Variants in GPC6 observed in about 807,000 individuals in gnomAD.
GPC6 encodes glypican-6.
GPC6 carries 14 observed loss-of-function variants against 55.2 expected under a neutral mutation model. That is an observed-to-expected ratio of 0.25 (90% CI 0.17 to 0.40). GPC6 has a LOEUF of 0.40. Among genes scored for constraint, GPC6 ranks in the 10% least tolerant of loss-of-function variants. GPC6 has a pLI of 1.00. For missense variants in GPC6, 641 were observed against 708.5 expected, an observed-to-expected ratio of 0.90 and a Z score of 1.08; for synonymous variants, 278 against 259.6, an observed-to-expected ratio of 1.07 and a Z score of -0.68.
intron 3 of GPC6, among the ~76,000 whole-genome samples, chr13:93,931,092 G>A (rs146547725): frequency 1.5e-3 from 221 of 152,190 alleles, no homozygotes; most frequent in African/African-American, 5.0e-3. Flanking sequence ...CAGCTCCAGC[G>A]ATCCAGTCAC....
At chr13:93,329,249 C>G (rs780419887) in intron 1 of GPC6, among the ~76,000 whole-genome samples, 2 of 152,136 alleles carry the variant, frequency 1.3e-5, no homozygotes, top group Non-Finnish European at 2.9e-5. Flanking sequence ...AATTTTCTTT[C>G]TTTCCCTTCT....
chr13:94,023,730 T>C (rs562483226), intron 3 of GPC6, among the ~76,000 whole-genome samples: 1 of 152,048 alleles, frequency 6.6e-6, no homozygotes, highest in South Asian at 2.1e-4. Flanking sequence ...AACCCAGATA[T>C]CCTTCAGTGG....
At chr13:93,696,268 C>A (rs1882448441) in intron 2 of GPC6, among the ~76,000 whole-genome samples, 1 of 152,040 alleles carries the variant, frequency 6.6e-6, no homozygotes, top group Non-Finnish European at 1.5e-5. Context: ...TAAATTTTCT[C>A]CTCTCAACTT....
intron 4 of GPC6, among the ~76,000 whole-genome samples, chr13:94,047,859 T>G (rs1883785945): frequency 6.6e-6 from 1 of 152,128 alleles, no homozygotes; most frequent in Admixed American, 6.6e-5. Flanking sequence ...ATTTAAGTGT[T>G]TGGCCAAATC....
At chr13:93,492,443 G>A (rs928296624) in intron 1 of GPC6, among the ~76,000 whole-genome samples, 1 of 150,054 alleles carries the variant, frequency 6.7e-6, no homozygotes, top group African/African-American at 2.5e-5. Context: ...GGGTTTTCTG[G>A]ATAAACAATC....
intron 1 of GPC6, among the ~76,000 whole-genome samples, chr13:93,306,742 A>T (rs1173377360): frequency 6.6e-6 from 1 of 152,138 alleles, no homozygotes; most frequent in South Asian, 2.1e-4. Flanking sequence ...AAGGAATCTC[A>T]TCTAGACATT....
chr13:94,348,715 G>C (rs1023865969), intron 6 of GPC6, among the ~76,000 whole-genome samples: 7 of 152,128 alleles, frequency 4.6e-5, no homozygotes, highest in Admixed American at 4.6e-4. Flanking sequence ...ACAGTGGCTG[G>C]ACCACCCTCT....
rs189126800 is a variant in GPC6 at position 94,109,873 on chromosome 13, A to T, written c.877+81979A>T. On this transcript the variant is annotated intron_variant, in intron 4 of 8. Transcript: ENST00000377047. ...TACACTCAGAAGCTTTCCCTCATTAAAAATAAAGTGTTCTAGTCATTGTGG... is the reference window on the plus strand; with the variant it reads ...TACACTCAGAAGCTTTCCCTCATTATAAATAAAGTGTTCTAGTCATTGTGG... Among the ~76,000 whole-genome samples the T allele has an allele frequency of 2.5e-3, 377 of 152,172 alleles. 1 individual carries two copies. The highest frequency in any genetic ancestry group is 8.8e-3 in the African/African-American group (365 of 41,518).
chr13:93,309,636 GA>G (rs1878994915), intron 1 of GPC6, among the ~76,000 whole-genome samples: 1 of 151,918 alleles, frequency 6.6e-6, no homozygotes, highest in South Asian at 2.1e-4. Context: ...ATTAACTTGG[GA>G]AAAACATACA....
At chr13:94,101,138 T>C (rs1310086407) in intron 4 of GPC6, among the ~76,000 whole-genome samples, 1 of 152,248 alleles carries the variant, frequency 6.6e-6, no homozygotes, top group Non-Finnish European at 1.5e-5. Context: ...GTGCAGCAGC[T>C]TTCCCTAGGG....
At chr13:93,580,618 A>T (rs1407963337) in intron 2 of GPC6, among the ~76,000 whole-genome samples, 2 of 152,184 alleles carry the variant, frequency 1.3e-5, no homozygotes, top group African/African-American at 4.8e-5. Context: ...AGGTGTCTTT[A>T]TGGGGCTTAT....
intron 1 of GPC6, among the ~76,000 whole-genome samples, chr13:93,309,438 A>G (rs1011329926): frequency 4.0e-4 from 61 of 151,422 alleles, no homozygotes; most frequent in African/African-American, 1.4e-3. Flanking sequence ...ATATTATTAT[A>G]TATTCTGTAT....
chr13:93,384,329 G>A (rs1001619652), intron 1 of GPC6, among the ~76,000 whole-genome samples: 2 of 151,564 alleles, frequency 1.3e-5, no homozygotes, highest in Non-Finnish European at 2.9e-5. Context: ...CTAAAGATAT[G>A]TGAGGATATT....
At chr13:93,547,410 A>G (rs962901658) in intron 2 of GPC6, among the ~76,000 whole-genome samples, 4 of 152,150 alleles carry the variant, frequency 2.6e-5, no homozygotes, top group Non-Finnish European at 5.9e-5. Flanking sequence ...TACTTCTTGT[A>G]TTATATCAAT....
At chr13:94,379,938 G>T (rs891901390) in intron 6 of GPC6, among the ~76,000 whole-genome samples, 1 of 152,216 alleles carries the variant, frequency 6.6e-6, no homozygotes, top group African/African-American at 2.4e-5. Context: ...GCATAGCGCA[G>T]CGCAGAAAGC....
At chr13:93,399,213 G>C (rs559012227) in intron 1 of GPC6, among the ~76,000 whole-genome samples, 26 of 152,220 alleles carry the variant, frequency 1.7e-4, no homozygotes, top group Non-Finnish European at 3.4e-4. Context: ...AAACCTGAAA[G>C]TGCCGGAAAC....
intron 2 of GPC6, among the ~76,000 whole-genome samples, chr13:93,777,445 C>CTT (rs1885507678): frequency 6.6e-6 from 1 of 152,144 alleles, no homozygotes. Flanking sequence ...GACACTACTA[C>CTT]TTTTTTGTTG....
At chr13:94,023,972 G>A (rs1432632397) in intron 3 of GPC6, among the ~76,000 whole-genome samples, 1 of 152,022 alleles carries the variant, frequency 6.6e-6, no homozygotes, top group Non-Finnish European at 1.5e-5. Context: ...CAGGTGATGG[G>A]GACATTAGAT....
chr13:93,488,397 C>G (rs566147849), intron 1 of GPC6, among the ~76,000 whole-genome samples: 159 of 152,248 alleles, frequency 1.0e-3, no homozygotes, highest in South Asian at 5.8e-3. Context: ...GGATCCAAGT[C>G]TTTGCTATTG....
Sources: gnomAD v4.1 joint callset for allele counts (sites outside exome capture counted in the v4.1 genomes callset) on GRCh38, gnomAD v4.1.1 for gene constraint, MANE v1.5 for transcripts, NCBI Gene and HGNC (gene_info 2026-07-23, HGNC 2026-07-21) for gene names.